Variants in CDC27 observed in about 807,000 individuals in gnomAD.
The protein encoded by CDC27 is cell division cycle 27, also known as cell division cycle protein 27 homolog.
A neutral mutation model predicts 109.7 loss-of-function variants in CDC27; 27 were observed. The ratio of observed to expected loss-of-function variants is 0.25; its 90% confidence interval spans 0.18 to 0.34. CDC27 has a LOEUF of 0.34. CDC27 is among the 10% of genes least tolerant of loss of function. The pLI is 1.00. For missense variants in CDC27, 579 were observed against 960.2 expected (o/e 0.60, Z 5.25); for synonymous variants, 266 against 333.9 (o/e 0.80, Z 2.22).
chr17:47,161,336 A>G (rs1171443003), intron 4 of CDC27, among the ~76,000 whole-genome samples: 1 of 152,162 alleles, frequency 6.6e-6, no homozygotes, highest in Non-Finnish European at 1.5e-5. Flanking sequence ...CCCACCAGGG[A>G]TAGAGTGGTA....
chr17:47,143,951 T>G lies in CDC27; in HGVS notation c.1102A>C (p.Thr368Pro). 3.4e-6 allele frequency: 5 copies of G among 1,480,646 alleles called. No individual in the cohort carries two copies. The highest frequency in any genetic ancestry group is 4.5e-6 in the Non-Finnish European group (5 of 1,107,298). The allele number at this position is 1,480,646 out of a possible 1,614,324, so 91.7% of individuals were successfully genotyped here. A position where few individuals can be genotyped will look rare whatever the true frequency, so the allele number is the denominator to read the frequency against. Residue 368 changes from threonine (T) to proline (P), a missense_variant, in exon 10 of 19, where the codon ACA (threonine) becomes CCA (proline). Thr to Pro is a conservative substitution (Grantham distance 38). Coordinates refer to ENST00000066544, the MANE Select transcript of CDC27 (RefSeq NM_001256.6). ...CGAGGCAGTGCGTTTGGGGGAGATG[T>G]AATAGTGGGGCTCAATACCTGAGGT... Reference protein sequence around the residue: ...TTPQVLSPTITSPPNALPRRS... With the variant: ...TTPQVLSPTIPSPPNALPRRS...
intron 8 of CDC27, 125 bp from the exon 9 acceptor site, chr17:47,152,043 G>T: frequency 1.5e-6 from 1 of 665,302 alleles, no homozygotes; most frequent in Non-Finnish European, 2.3e-6. Flanking sequence ...TCACCTTAAA[G>T]ATAAACTATT....
intron 16 of CDC27, 55 bp downstream of exon 16, chr17:47,129,337 GA>G: frequency 8.1e-7 from 1 of 1,239,266 alleles, no homozygotes; most frequent in Non-Finnish European, 1.1e-6. Context: ...GAAAACAAGG[GA>G]TAACGTTGTT....
chr17:47,164,217 T>C (rs1016937386), intron 4 of CDC27, among the ~76,000 whole-genome samples: 1 of 152,214 alleles, frequency 6.6e-6, no homozygotes. Flanking sequence ...CAATATAGCC[T>C]AGGTGTGTAG....
chr17:47,129,249 T>C (rs1242802355), intron 16 of CDC27, 144 bp downstream of exon 16: 5 of 653,942 alleles, frequency 7.6e-6, no homozygotes, highest in South Asian at 6.7e-5. Flanking sequence ...CATGAAGACA[T>C]AAAAATCACA....
intron 13 of CDC27, among the ~76,000 whole-genome samples, chr17:47,137,848 T>A (rs1204371702): frequency 6.6e-6 from 1 of 151,814 alleles, no homozygotes; most frequent in African/African-American, 2.4e-5. Context: ...TTGTCCGGGC[T>A]GGAGGGCAGT....
intron 9 of CDC27, among the ~76,000 whole-genome samples, chr17:47,149,509 TAAAAA>T (rs34375130): frequency 8.9e-6 from 1 of 112,176 alleles, no homozygotes; most frequent in South Asian, 3.0e-4. Context: ...GACTCTGTCT[TAAAAA>T]AAAAAAAAAA....
Position 47,187,218 on chromosome 17 carries a change from A to G in CDC27, c.27+1928T>C, listed in dbSNP as rs1306131178. ...ATCAAAGTGTATTACTGCTCAGAGT[A>G]CTTTAAGGACAAACAGGAAACCTGA... On this transcript the variant is annotated intron_variant, in intron 1 of 18. Coordinates refer to ENST00000066544, the MANE Select transcript of CDC27 (RefSeq NM_001256.6). Among the ~76,000 whole-genome samples, 5 of 152,214 alleles carry G rather than the reference A, an allele frequency of 3.3e-5. No individual in the cohort carries two copies. The East Asian group carries it at 7.7e-4, about 23-fold the overall frequency.
chr17:47,139,853 C>T (rs529593096), intron 12 of CDC27: 1 of 152,082 alleles, frequency 6.6e-6, no homozygotes, highest in Non-Finnish European at 1.5e-5. Context: ...TTCCTCATCA[C>T]ATTCACAGCT....
intron 1 of CDC27, among the ~76,000 whole-genome samples, chr17:47,182,042 A>C (rs1349415923): frequency 6.6e-6 from 1 of 152,166 alleles, no homozygotes; most frequent in African/African-American, 2.4e-5. Flanking sequence ...AGCACTCATA[A>C]CATGGTTATT....
chr17:47,123,170 G>A (rs2062026634), intron 17 of CDC27, among the ~76,000 whole-genome samples: 1 of 152,022 alleles, frequency 6.6e-6, no homozygotes, highest in South Asian at 2.1e-4. Flanking sequence ...TCTGACTGGA[G>A]CAATGATAAT....
At chr17:47,180,660 G>C (rs749517914) in intron 2 of CDC27, among the ~76,000 whole-genome samples, 20 of 151,416 alleles carry the variant, frequency 1.3e-4, no homozygotes, top group Non-Finnish European at 2.4e-4. Context: ...CTTAGAAAGG[G>C]AATTATAATA....
intron 9 of CDC27, among the ~76,000 whole-genome samples, chr17:47,145,054 T>C (rs1000136271): frequency 6.6e-6 from 1 of 152,160 alleles, no homozygotes; most frequent in African/African-American, 2.4e-5. Context: ...CTAAAAAAAC[T>C]TTCTAAATAG....
intron 9 of CDC27, 130 bp downstream of exon 9, chr17:47,151,676 A>C (rs1165549970): frequency 8.9e-6 from 6 of 675,204 alleles, no homozygotes; most frequent in Non-Finnish European, 1.4e-5. Flanking sequence ...TAGAGGTTTC[A>C]AATTTTACAT....
chr17:47,147,840 A>C (rs918418796), intron 9 of CDC27, among the ~76,000 whole-genome samples: 1 of 150,618 alleles, frequency 6.6e-6, no homozygotes, highest in Non-Finnish European at 1.5e-5. Flanking sequence ...GTTTGAGGCT[A>C]CAGTGAGCCA....
At chr17:47,133,028 TACACACACACACACACACACACACAC>T (rs71138587) in intron 14 of CDC27, among the ~76,000 whole-genome samples, 1 of 29,824 alleles carries the variant, frequency 3.4e-5, no homozygotes, top group African/African-American at 1.5e-4. Context: ...TATATATATA[TACACACACACACACACACACACACAC>T]ATACATATAC....
intron 14 of CDC27, among the ~76,000 whole-genome samples, chr17:47,136,015 A>C (rs1487660605): frequency 1.3e-5 from 2 of 152,010 alleles, no homozygotes; most frequent in Non-Finnish European, 2.9e-5. Context: ...GGTGGCAGGC[A>C]CCTGTAGTCC....
intron 1 of CDC27, among the ~76,000 whole-genome samples, chr17:47,183,463 A>G (rs1206181988): frequency 1.3e-5 from 2 of 152,218 alleles, no homozygotes; most frequent in Non-Finnish European, 2.9e-5. Flanking sequence ...TCAAGAAAGA[A>G]CAGTAATGAA....
intron 9 of CDC27, among the ~76,000 whole-genome samples, chr17:47,146,023 C>T (rs925670298): frequency 3.9e-5 from 6 of 152,142 alleles, no homozygotes; most frequent in South Asian, 4.1e-4. Flanking sequence ...ATCACACCTA[C>T]ATAATTTAAA....
Sources: gnomAD v4.1 joint callset for allele counts (sites outside exome capture counted in the v4.1 genomes callset) on GRCh38, gnomAD v4.1.1 for gene constraint, MANE v1.5 for transcripts, NCBI Gene and HGNC (gene_info 2026-07-23, HGNC 2026-07-21) for gene names.